The following SHISA9 variants were observed in gnomAD, a reference collection of about 807,000 sequenced individuals.
SHISA9 encodes shisa family member 9, also known as protein shisa-9.
Under a neutral mutation model 38.0 loss-of-function variants are expected in SHISA9, and 13 were observed. That is an observed-to-expected ratio of 0.34 (90% CI 0.22 to 0.54). The LOEUF is 0.54. SHISA9 is among the 20% of genes least tolerant of loss of function. SHISA9 has a pLI of 0.91. For missense variants in SHISA9, 538 were observed against 575.8 expected, an observed-to-expected ratio of 0.93 and a Z score of 0.67; for synonymous variants, 275 against 242.0, an observed-to-expected ratio of 1.14 and a Z score of -1.27.
intron 2 of SHISA9, among the ~76,000 whole-genome samples, chr16:13,011,350 A>G (rs1444845805): frequency 7.6e-6 from 1 of 132,272 alleles, no homozygotes; most frequent in Admixed American, 8.7e-5. Context: ...AAGAGCAGCT[A>G]CAATCTACTC....
chr16:13,261,735 C>T, the SHISA9 span, among the ~76,000 whole-genome samples: 3 of 152,172 alleles, frequency 2.0e-5, no homozygotes. Context: ...GCTGAGGGTA[C>T]ATCATCATAA....
At chr16:13,382,678 G>A in the SHISA9 span, among the ~76,000 whole-genome samples, 1 of 151,974 alleles carries the variant, frequency 6.6e-6, no homozygotes, top group African/African-American at 2.4e-5. Flanking sequence ...GACCAACATG[G>A]TGAAACCCTG....
chr16:13,430,770 T>C, the SHISA9 span, among the ~76,000 whole-genome samples: 1 of 151,374 alleles, frequency 6.6e-6, no homozygotes, highest in Non-Finnish European at 1.5e-5. Context: ...TTTGTTTTGA[T>C]TAGCTGAGGG....
chr16:13,313,254 C>CAAAAAAAA, the SHISA9 span, among the ~76,000 whole-genome samples: 7 of 49,560 alleles, frequency 1.4e-4, no homozygotes, highest in Admixed American at 3.9e-4. Flanking sequence ...GACTCCGTCT[C>CAAAAAAAA]AAAAAAAAAA....
the SHISA9 span, among the ~76,000 whole-genome samples, chr16:13,378,241 A>G: frequency 6.6e-6 from 1 of 152,184 alleles, no homozygotes; most frequent in Non-Finnish European, 1.5e-5. Context: ...TGGCTACCTC[A>G]GGTATGACTT....
At chr16:13,438,447 T>G in the SHISA9 span, among the ~76,000 whole-genome samples, 4 of 152,226 alleles carry the variant, frequency 2.6e-5, no homozygotes, top group African/African-American at 4.8e-5. Context: ...TATCTAGTAG[T>G]GCTTTGATAG....
the SHISA9 span, among the ~76,000 whole-genome samples, chr16:13,527,002 CTT>C: frequency 6.6e-6 from 1 of 152,162 alleles, no homozygotes; most frequent in East Asian, 1.9e-4. Context: ...GCCCTTTCCC[CTT>C]TGACCTCATA....
intron 1 of SHISA9, 56 bp downstream of exon 1, chr16:12,902,683 TC>T: frequency 7.0e-7 from 1 of 1,438,202 alleles, no homozygotes. Context: ...TGCTCTCTCC[TC>T]CCCACCTTCC....
intron 2 of SHISA9, among the ~76,000 whole-genome samples, chr16:13,020,780 T>C (rs2072842912): frequency 6.6e-6 from 1 of 152,186 alleles, no homozygotes; most frequent in African/African-American, 2.4e-5. Context: ...AGACCTCTGG[T>C]ATTTTGGAAG....
the SHISA9 span, among the ~76,000 whole-genome samples, chr16:13,270,012 A>T: frequency 6.6e-6 from 1 of 152,102 alleles, no homozygotes; most frequent in African/African-American, 2.4e-5. Context: ...GCCTGACCCA[A>T]TTATAATTAC....
chr16:12,918,898 T>A (rs1456912593), intron 2 of SHISA9, among the ~76,000 whole-genome samples: 2 of 152,188 alleles, frequency 1.3e-5, no homozygotes, highest in Non-Finnish European at 2.9e-5. Flanking sequence ...AATATCTGAA[T>A]AACAAAAATA....
At chr16:13,266,847 G>T in the SHISA9 span, among the ~76,000 whole-genome samples, 1 of 152,108 alleles carries the variant, frequency 6.6e-6, no homozygotes, top group Non-Finnish European at 1.5e-5. Context: ...CAAGCGGTGG[G>T]GAAGGCAGGG....
intron 2 of SHISA9, among the ~76,000 whole-genome samples, chr16:13,136,941 G>C (rs2050354959): frequency 6.6e-6 from 1 of 152,190 alleles, no homozygotes; most frequent in Non-Finnish European, 1.5e-5. Flanking sequence ...GTTAGATTGA[G>C]AAGGTTTCTG....
the SHISA9 span, among the ~76,000 whole-genome samples, chr16:13,356,056 G>C: frequency 2.3e-4 from 35 of 152,340 alleles, no homozygotes; most frequent in Admixed American, 3.9e-4. Context: ...AGGAGGTTCT[G>C]GAGGAACACC....
the SHISA9 span, among the ~76,000 whole-genome samples, chr16:13,347,622 A>G: frequency 6.6e-6 from 1 of 152,196 alleles, no homozygotes; most frequent in South Asian, 2.1e-4. Context: ...CTCAACTAAA[A>G]TTCTGGGAGA....
the SHISA9 span, among the ~76,000 whole-genome samples, chr16:13,439,312 T>A: frequency 6.6e-6 from 1 of 152,204 alleles, no homozygotes. Flanking sequence ...TACAGCATGG[T>A]GGCTCTGTTG....
At chr16:12,920,847 C>G (rs2071318850) in intron 2 of SHISA9, among the ~76,000 whole-genome samples, 1 of 152,198 alleles carries the variant, frequency 6.6e-6, no homozygotes, top group Non-Finnish European at 1.5e-5. Flanking sequence ...GTTCTAGAGT[C>G]CCATCCAGGA....
chr16:13,439,769 C>A, the SHISA9 span, among the ~76,000 whole-genome samples: 1 of 152,270 alleles, frequency 6.6e-6, no homozygotes, highest in Non-Finnish European at 1.5e-5. Context: ...CTGCTGCCAG[C>A]GTGTGAAAAC....
chr16:12,986,816 T>C (rs1408400294), intron 2 of SHISA9, among the ~76,000 whole-genome samples: 1 of 152,136 alleles, frequency 6.6e-6, no homozygotes, highest in Admixed American at 6.5e-5. Flanking sequence ...AAGATGAAAA[T>C]ACTGAGGCTT....
Sources: gnomAD v4.1 joint callset for allele counts (sites outside exome capture counted in the v4.1 genomes callset) on GRCh38, gnomAD v4.1.1 for gene constraint, MANE v1.5 for transcripts, NCBI Gene and HGNC (gene_info 2026-07-23, HGNC 2026-07-21) for gene names.